The following NPAS3 variants were observed in gnomAD, a reference collection of about 807,000 sequenced individuals.
NPAS3 encodes neuronal PAS domain protein 3, also known as neuronal PAS domain-containing protein 3.
NPAS3 carries 14 observed loss-of-function variants against 73.1 expected under a neutral mutation model. The ratio of observed to expected loss-of-function variants is 0.19; its 90% CI spans 0.13 to 0.30. NPAS3 has a LOEUF of 0.30. Ranked by LOEUF, NPAS3 falls within the 10% of genes least tolerant of loss-of-function variation. NPAS3 has a pLI of 1.00. For synonymous variants in NPAS3, 620 were observed against 541.5 expected, an observed-to-expected ratio of 1.14 and a Z score of -2.01; for missense variants, 1,096 against 1,250.0, an observed-to-expected ratio of 0.88 and a Z score of 1.86.
intron 2 of NPAS3, among the ~76,000 whole-genome samples, chr14:33,212,970 T>A (rs1223705913): frequency 6.6e-6 from 1 of 152,220 alleles, no homozygotes; most frequent in African/African-American, 2.4e-5. Context: ...CTTGCATGAC[T>A]TTTTAAAGCT....
At chr14:33,766,315 C>G (rs143095359) in intron 7 of NPAS3, among the ~76,000 whole-genome samples, 2 of 152,276 alleles carry the variant, frequency 1.3e-5, no homozygotes, top group East Asian at 3.9e-4. Flanking sequence ...ACCAACCTTC[C>G]CTTAGTCTCT....
intron 3 of NPAS3, among the ~76,000 whole-genome samples, chr14:33,309,755 G>T (rs56357920): frequency 0.14 from 21,728 of 152,190 alleles, 2,440 homozygotes; most frequent in East Asian, 0.33. Context: ...GTGAAATGCT[G>T]TATATGAACA....
intron 1 of NPAS3, among the ~76,000 whole-genome samples, chr14:32,992,867 T>A (rs1226138760): frequency 6.6e-6 from 1 of 151,906 alleles, no homozygotes; most frequent in Non-Finnish European, 1.5e-5. Context: ...AAAATTATGG[T>A]CTCTCGGCAG....
At chr14:33,382,431 T>G (rs180772355) in intron 4 of NPAS3, among the ~76,000 whole-genome samples, 294 of 152,262 alleles carry the variant, frequency 1.9e-3, no homozygotes, top group African/African-American at 6.7e-3. Context: ...GGGGACAAGT[T>G]TTTTTCACTG....
At chr14:33,127,453 C>T (rs762088737) in intron 2 of NPAS3, among the ~76,000 whole-genome samples, 2 of 151,936 alleles carry the variant, frequency 1.3e-5, no homozygotes, top group Non-Finnish European at 2.9e-5. Flanking sequence ...GTTGCATTTC[C>T]GGCATAAAAC....
At chr14:33,276,353 G>A (rs2041332431) in intron 3 of NPAS3, among the ~76,000 whole-genome samples, 1 of 152,116 alleles carries the variant, frequency 6.6e-6, no homozygotes, top group South Asian at 2.1e-4. Flanking sequence ...GGTTTGTGTA[G>A]TATCTCTTGT....
intron 6 of NPAS3, among the ~76,000 whole-genome samples, chr14:33,696,983 A>T (rs1342841639): frequency 1.3e-5 from 2 of 152,178 alleles, no homozygotes; most frequent in African/African-American, 4.8e-5. Flanking sequence ...CTACCAGTTC[A>T]TGTTTCTTTT....
intron 5 of NPAS3, among the ~76,000 whole-genome samples, chr14:33,650,360 A>C (rs1194682604): frequency 6.6e-6 from 1 of 152,154 alleles, no homozygotes; most frequent in Non-Finnish European, 1.5e-5. Flanking sequence ...AAGATTTCTT[A>C]AGTTTATTTC....
chr14:33,321,061 A>G (rs1009629302), intron 3 of NPAS3, among the ~76,000 whole-genome samples: 2 of 152,210 alleles, frequency 1.3e-5, no homozygotes, highest in African/African-American at 2.4e-5. Context: ...ACCTTCATGT[A>G]TTTATTTTGT....
chr14:33,207,922 A>C (rs1185529808), intron 2 of NPAS3, among the ~76,000 whole-genome samples: 2 of 152,148 alleles, frequency 1.3e-5, no homozygotes, highest in Non-Finnish European at 1.5e-5. Flanking sequence ...CAATTACTTC[A>C]TTCCTAAATG....
chr14:33,024,172 A>G (rs61982386), intron 1 of NPAS3, among the ~76,000 whole-genome samples: 6,082 of 114,094 alleles, frequency 0.053, 457 homozygotes, highest in African/African-American at 0.2. Flanking sequence ...GTGTGTGTGT[A>G]TGTATATTCC....
chr14:33,569,618 C>CAA lies in NPAS3; in HGVS notation c.558+9418_558+9419dup, dbSNP rs200785257. 2.0e-4 allele frequency among the ~76,000 whole-genome samples: 29 copies of CAA among 144,396 alleles called. 2 individuals carry two copies. Among genetic ancestry groups the CAA allele is most frequent in the Admixed American group, 1.8e-3 (26 of 14,642 alleles). 94.7% of individuals were successfully genotyped at this position (144,396 alleles called of 152,430 possible). A position where few individuals can be genotyped will look rare whatever the true frequency, so the allele number is the denominator to read the frequency against. On this transcript the variant is annotated intron_variant, in intron 5 of 11. Coordinates refer to ENST00000356141, the Ensembl canonical transcript of NPAS3. ...GTTTAGCACTGCTTTGCCATGGAAA[C>CAA]AAAAAAAAAAATTGGTTCTTCACTA...
chr14:33,069,461 G>A (rs2041404586), intron 2 of NPAS3, among the ~76,000 whole-genome samples: 1 of 152,212 alleles, frequency 6.6e-6, no homozygotes, highest in Non-Finnish European at 1.5e-5. Flanking sequence ...TTTGAGCAGT[G>A]CGGAATGCAA....
chr14:33,635,550 T>C (rs967882286), intron 5 of NPAS3, among the ~76,000 whole-genome samples: 2 of 152,192 alleles, frequency 1.3e-5, no homozygotes, highest in African/African-American at 4.8e-5. Flanking sequence ...AGGGTCTTGC[T>C]TTGGACAATT....
intron 4 of NPAS3, among the ~76,000 whole-genome samples, chr14:33,388,645 G>C (rs898068121): frequency 1.3e-5 from 2 of 151,984 alleles, no homozygotes; most frequent in Admixed American, 6.6e-5. Context: ...CAATGGAGAA[G>C]GAGCTGAGAC....
chr14:33,730,316 C>G (rs1298673537), intron 6 of NPAS3, among the ~76,000 whole-genome samples: 1 of 152,128 alleles, frequency 6.6e-6, no homozygotes, highest in African/African-American at 2.4e-5. Context: ...CTGCCCCTAG[C>G]TGGGAGAACT....
chr14:33,154,445 C>T (rs937330075), intron 2 of NPAS3, among the ~76,000 whole-genome samples: 5 of 152,196 alleles, frequency 3.3e-5, no homozygotes, highest in South Asian at 2.1e-4. Flanking sequence ...TGAGCCCCAT[C>T]GACCAGGTGT....
chr14:33,618,414 A>C (rs1301953448), intron 5 of NPAS3, among the ~76,000 whole-genome samples: 1 of 152,118 alleles, frequency 6.6e-6, no homozygotes, highest in East Asian at 1.9e-4. Flanking sequence ...CAGGCACTAG[A>C]TTCTCCTTAA....
intron 6 of NPAS3, among the ~76,000 whole-genome samples, chr14:33,689,537 T>G (rs2060177135): frequency 6.6e-6 from 1 of 152,122 alleles, no homozygotes. Flanking sequence ...TCCAGTTACC[T>G]CACTTAAAGG....
Sources: allele counts gnomAD v4.1 joint callset (sites outside exome capture counted in the v4.1 genomes callset), GRCh38; gene constraint gnomAD v4.1.1; transcripts MANE v1.5; gene names NCBI Gene and HGNC (gene_info 2026-07-23, HGNC 2026-07-21).